The following PRIM2 variants were observed in gnomAD, a reference collection of about 807,000 sequenced individuals.
PRIM2 encodes the protein DNA primase subunit 2.
In PRIM2, 39 loss-of-function variants were observed where a neutral mutation model predicts 67.3. The ratio of observed to expected loss-of-function variants is 0.58; its 90% CI spans 0.45 to 0.76. The LOEUF (loss-of-function observed/expected upper bound fraction) is 0.76. Among genes scored for constraint, PRIM2 ranks in the 30% least tolerant of loss-of-function variants. The probability of loss-of-function intolerance (pLI) is 0.00; values close to 1 mark genes in which losing one functional copy is unlikely to be tolerated. For synonymous variants in PRIM2, 143 were observed against 198.7 expected (o/e 0.72, Z 2.36); for missense variants, 398 against 598.7 (o/e 0.66, Z 3.50).
At chr6:57,395,142 T>C (rs1770478710) in intron 7 of PRIM2, among the ~76,000 whole-genome samples, 1 of 152,128 alleles carries the variant, frequency 6.6e-6, no homozygotes, top group African/African-American at 2.4e-5. Flanking sequence ...TTATGTTGTT[T>C]CCTGGTTTTG....
At chr6:57,512,331 G>A (rs1348875301) in intron 8 of PRIM2, among the ~76,000 whole-genome samples, 1 of 152,156 alleles carries the variant, frequency 6.6e-6, no homozygotes, top group Non-Finnish European at 1.5e-5. Flanking sequence ...GGTAAGATGA[G>A]CATATTTACA....
the PRIM2 span, among the ~76,000 whole-genome samples, chr6:57,290,243 C>A: frequency 1.3e-5 from 2 of 151,916 alleles, no homozygotes; most frequent in Non-Finnish European, 1.5e-5. Context: ...CAACAAAGAT[C>A]AAAAGAGACA....
intron 10 of PRIM2, among the ~76,000 whole-genome samples, chr6:57,574,216 G>A (rs1775920241): frequency 1.3e-5 from 2 of 152,214 alleles, no homozygotes; most frequent in Non-Finnish European, 2.9e-5. Context: ...GTTCACTTCG[G>A]CCTCTAATTG....
intron 7 of PRIM2, among the ~76,000 whole-genome samples, chr6:57,428,774 T>C (rs1285379739): frequency 2.0e-5 from 3 of 152,188 alleles, no homozygotes; most frequent in Non-Finnish European, 4.4e-5. Context: ...TTTACAAAAA[T>C]AGTAGAGAGT....
intron 6 of PRIM2, among the ~76,000 whole-genome samples, chr6:57,380,913 G>A (rs1741917): frequency 0.037 from 4,855 of 130,638 alleles, 18 homozygotes; most frequent in Admixed American, 0.046. Flanking sequence ...CAGTTAGCCT[G>A]TGTCTTCCTC....
chr6:57,480,243 C>G (rs1394805664), intron 7 of PRIM2, among the ~76,000 whole-genome samples: 2 of 152,074 alleles, frequency 1.3e-5, no homozygotes, highest in Admixed American at 6.5e-5. Flanking sequence ...AAAACTATGA[C>G]TTTTTAAATT....
At chr6:57,502,460 C>G (rs1554346955) in intron 7 of PRIM2, among the ~76,000 whole-genome samples, 3 of 152,156 alleles carry the variant, frequency 2.0e-5, no homozygotes, top group African/African-American at 4.8e-5. Flanking sequence ...CTTCACTATC[C>G]GATGCCGGAA....
At chr6:57,498,232 A>T (rs1386032902) in intron 7 of PRIM2, among the ~76,000 whole-genome samples, 1 of 152,118 alleles carries the variant, frequency 6.6e-6, no homozygotes, top group Non-Finnish European at 1.5e-5. Context: ...CTTAGAATAC[A>T]TATATAAGCA....
intron 7 of PRIM2, among the ~76,000 whole-genome samples, chr6:57,435,366 A>G (rs1771976947): frequency 2.0e-5 from 3 of 152,114 alleles, no homozygotes; most frequent in Admixed American, 1.3e-4. Context: ...CTGTATGACC[A>G]GTCCTGTCCT....
the PRIM2 span, among the ~76,000 whole-genome samples, chr6:57,254,720 T>TG: frequency 0.85 from 129,340 of 151,958 alleles, 55,147 homozygotes; most frequent in East Asian, 0.97. Context: ...ACAAGTTTAT[T>TG]GGGGGTCTGA....
chr6:57,241,272 G>A, the PRIM2 span, among the ~76,000 whole-genome samples: 2 of 151,646 alleles, frequency 1.3e-5, no homozygotes, highest in African/African-American at 4.8e-5. Flanking sequence ...AGCTGAATGT[G>A]GTTGCACGCA....
chr6:57,312,816 A>G (rs934539382), upstream of PRIM2, among the ~76,000 whole-genome samples: 1 of 152,174 alleles, frequency 6.6e-6, no homozygotes, highest in African/African-American at 2.4e-5. Context: ...TTAAATTCTT[A>G]AAATTTTGCC....
Position 57,325,947 on chromosome 6 carries a change from A to C in PRIM2, c.361A>C (p.Ile121Leu), listed in dbSNP as rs778711711. The change falls in exon 5 of 14, where the codon ATT becomes CTT. Residue 121 changes from isoleucine (I) to leucine (L), a missense_variant. Coordinates refer to ENST00000615550, the MANE Select transcript of PRIM2 (RefSeq NM_000947.5). ...CQSEELRRWF[I>L]QQEMDLLRFR... Reference sequence around the variant, plus strand: ...CAGTGAAGAACTTAGACGCTGGTTCATTCAACAAGAAATGGATCTCCTTCG... The same window carrying C: ...CAGTGAAGAACTTAGACGCTGGTTCCTTCAACAAGAAATGGATCTCCTTCG... The C allele has an allele frequency of 6.2e-7, 1 of 1,607,056 alleles. No homozygotes were observed.
chr6:57,352,983 AT>A (rs35122482), intron 5 of PRIM2, among the ~76,000 whole-genome samples: 25 of 151,550 alleles, frequency 1.6e-4, no homozygotes, highest in Middle Eastern at 3.4e-3. Context: ...TAGAATTTTA[AT>A]TTTTTTTTAC....
rs1441816360 is a variant in PRIM2, at chr6:57,615,735, A to T, written c.1230+9278A>T. The stretch of plus-strand genomic sequence containing the variant: ...ACATAGGTAGACCCTGCCTTTAAAA[A>T]AGTAATAAAAATAACAGTTGTGGTG... On this transcript the variant is annotated intron_variant, in intron 12 of 13. Coordinates refer to ENST00000615550, the MANE Select transcript of PRIM2 (RefSeq NM_000947.5). 9.7e-3 allele frequency among the ~76,000 whole-genome samples: 1,472 copies of T among 152,148 alleles called. 11 individuals are homozygous for T. Among genetic ancestry groups the T allele is most frequent in the Non-Finnish European group, 0.014 (980 of 67,966 alleles).
chr6:57,521,384 T>C (rs1725225939), intron 8 of PRIM2, among the ~76,000 whole-genome samples: 3 of 148,678 alleles, frequency 2.0e-5, no homozygotes, highest in African/African-American at 7.3e-5. Flanking sequence ...TTTTTTTTTT[T>C]TTTTTTTTTA....
At chr6:57,582,174 C>T (rs1351034493) in intron 10 of PRIM2, among the ~76,000 whole-genome samples, 35 of 152,044 alleles carry the variant, frequency 2.3e-4, no homozygotes, top group Non-Finnish European at 1.5e-5. Flanking sequence ...AGGGTTAGAC[C>T]CTCTGTTCCT....
intron 5 of PRIM2, among the ~76,000 whole-genome samples, chr6:57,352,422 G>A (rs1040649001): frequency 6.6e-6 from 1 of 151,986 alleles, no homozygotes; most frequent in African/African-American, 2.4e-5. Context: ...TGTATTTTTA[G>A]TAGAGATGGG....
At chr6:57,636,989 C>A (rs1471446078) in intron 13 of PRIM2, among the ~76,000 whole-genome samples, 221 of 152,314 alleles carry the variant, frequency 1.5e-3, no homozygotes, top group African/African-American at 5.1e-3. Context: ...GGCCGACAGA[C>A]ATCTCATACA....
Sources: allele counts gnomAD v4.1 joint callset (sites outside exome capture counted in the v4.1 genomes callset), GRCh38; gene constraint gnomAD v4.1.1; transcripts MANE v1.5; gene names NCBI Gene and HGNC (gene_info 2026-07-23, HGNC 2026-07-21).